Variants in EPHA7 observed in about 807,000 individuals in gnomAD.
EPHA7 encodes the protein EPH receptor A7, also known as ephrin type-A receptor 7.
Under a neutral mutation model 112.6 loss-of-function variants are expected in EPHA7, and 25 were observed. The observed-to-expected ratio is 0.22, with a 90% confidence interval of 0.16 to 0.31. The LOEUF is 0.31. Ranked by LOEUF, EPHA7 falls within the 10% of genes least tolerant of loss-of-function variation. The pLI, the probability that EPHA7 is intolerant of heterozygous loss-of-function variation, is 1.00. For missense variants in EPHA7, 962 were observed against 1,212.6 expected (o/e 0.79, Z 3.07); for synonymous variants, 437 against 406.5 (o/e 1.07, Z -0.90).
At chr6:93,296,432 AAAATATATAAATATATATAT>A (rs1772667485) in intron 5 of EPHA7, among the ~76,000 whole-genome samples, 1 of 127,370 alleles carries the variant, frequency 7.9e-6, no homozygotes, top group Non-Finnish European at 1.7e-5. Flanking sequence ...ATATATATAT[AAAATATATAAATATATATAT>A]AAATATATAT....
intron 5 of EPHA7, among the ~76,000 whole-genome samples, chr6:93,336,919 G>A (rs890485937): frequency 6.6e-6 from 1 of 150,742 alleles, no homozygotes; most frequent in African/African-American, 2.4e-5. Context: ...AAACAAAGAA[G>A]CTTTTATCAG....
intron 5 of EPHA7, among the ~76,000 whole-genome samples, chr6:93,288,482 C>A (rs1772187531): frequency 6.6e-6 from 1 of 152,160 alleles, no homozygotes; most frequent in Admixed American, 6.5e-5. Context: ...TGTGGTGATG[C>A]TTGCACAGCT....
Position 93,356,888 on chromosome 6 carries a change from T to G in EPHA7, c.1153A>C (p.Asn385His), listed in dbSNP as rs757264200. The G allele has an allele frequency of 6.2e-7, 1 of 1,614,168 alleles. No individual in the cohort carries two copies. Among genetic ancestry groups the G allele is most frequent in the Admixed American group, 1.7e-5 (1 of 60,010 alleles). The change falls in exon 5 of 17, where the codon AAC becomes CAC. Residue 385 changes from asparagine (N) to histidine (H), a missense_variant. This residue lies in a region of EPHA7 where 746 missense variants were observed against 889.2 expected (regional missense o/e 0.84). Transcript: ENST00000369303. ...EQGECVPCGS[N>H]IGYMPQQTGL... ...GTCTGCTGGGGCATGTATCCAATGT[T>G]ACTCCCACAGGGAACACATTCGCCC...
At chr6:93,335,151 G>T (rs542838751) in intron 5 of EPHA7, among the ~76,000 whole-genome samples, 1 of 152,134 alleles carries the variant, frequency 6.6e-6, no homozygotes, top group South Asian at 2.1e-4. Flanking sequence ...TTCCTAGAGG[G>T]TCAATTAAGT....
At chr6:93,322,865 T>C (rs1346716897) in intron 5 of EPHA7, among the ~76,000 whole-genome samples, 1 of 151,640 alleles carries the variant, frequency 6.6e-6, no homozygotes, top group African/African-American at 2.4e-5. Flanking sequence ...GTCCCCCATC[T>C]GTGCTTTACG....
chr6:93,296,321 A>G (rs1411756188), intron 5 of EPHA7, among the ~76,000 whole-genome samples: 1 of 150,994 alleles, frequency 6.6e-6, no homozygotes, highest in Non-Finnish European at 1.5e-5. Flanking sequence ...ACCACCTTCT[A>G]AAAATATTTG....
chr6:93,356,248 C>T (rs1775938966), intron 5 of EPHA7, among the ~76,000 whole-genome samples: 2 of 151,642 alleles, frequency 1.3e-5, no homozygotes, highest in African/African-American at 4.9e-5. Context: ...TAGTCTGTCA[C>T]CCATGCTGGA....
intron 5 of EPHA7, among the ~76,000 whole-genome samples, chr6:93,337,272 C>A (rs1013955365): frequency 3.3e-5 from 5 of 152,140 alleles, no homozygotes; most frequent in African/African-American, 1.2e-4. Flanking sequence ...TGACTGCACA[C>A]CATTTCCAAA....
rs1412417512 is a variant in EPHA7, at chr6:93,405,799, GTGTGTGTGTGTGTGTATATATATA to G, written c.832+4678_832+4701del. Among the ~76,000 whole-genome samples the G allele has an allele frequency of 8.7e-5, 6 of 68,878 alleles. No homozygotes were observed. In the East Asian group the frequency reaches 2.1e-3, roughly 24 times the overall value. The allele number at this position is 68,878 out of a possible 152,430, so 45.2% of individuals were successfully genotyped here. On this transcript the variant is annotated intron_variant, in intron 3 of 16. Transcript: ENST00000369303. ...TCTGTATATATGTGTGTGTGTGTGT[GTGTGTGTGTGTGTGTATATATATA>G]TATATATATATATATATATATATAT...
intron 5 of EPHA7, among the ~76,000 whole-genome samples, chr6:93,336,988 A>G (rs1774911556): frequency 1.3e-5 from 2 of 152,104 alleles, no homozygotes; most frequent in African/African-American, 2.4e-5. Flanking sequence ...AGTTAGAAAA[A>G]AGACATAAAA....
chr6:93,265,726 C>A (rs1283277964), intron 7 of EPHA7, among the ~76,000 whole-genome samples: 2 of 151,592 alleles, frequency 1.3e-5, no homozygotes, highest in African/African-American at 2.4e-5. Flanking sequence ...AATTTGCTAT[C>A]TCTGAAACAA....
chr6:93,244,738 A>C (rs1027170668), intron 16 of EPHA7, among the ~76,000 whole-genome samples: 7 of 152,278 alleles, frequency 4.6e-5, no homozygotes, highest in Admixed American at 1.3e-4. Flanking sequence ...TCTTACTTTT[A>C]AGCTATGGTT....
chr6:93,413,226 T>C (rs1364195687), intron 2 of EPHA7, among the ~76,000 whole-genome samples: 1 of 151,982 alleles, frequency 6.6e-6, no homozygotes, highest in African/African-American at 2.4e-5. Flanking sequence ...TGCACAGATA[T>C]AGAAAATATT....
At chr6:93,297,310 T>C (rs1772722915) in intron 5 of EPHA7, among the ~76,000 whole-genome samples, 1 of 152,090 alleles carries the variant, frequency 6.6e-6, no homozygotes, top group Admixed American at 6.5e-5. Flanking sequence ...ACAACTACAG[T>C]GTAGACTCTA....
chr6:93,362,418 A>G (rs1344226418), intron 3 of EPHA7, among the ~76,000 whole-genome samples: 1 of 152,108 alleles, frequency 6.6e-6, no homozygotes, highest in Non-Finnish European at 1.5e-5. Flanking sequence ...TGATTTAAAT[A>G]ATATTTTTAA....
chr6:93,269,989 T>A (rs909877594), intron 6 of EPHA7, among the ~76,000 whole-genome samples: 7 of 151,866 alleles, frequency 4.6e-5, no homozygotes, highest in South Asian at 2.1e-4. Flanking sequence ...ACCTGTACAA[T>A]CTACAGTTTA....
intron 5 of EPHA7, among the ~76,000 whole-genome samples, chr6:93,351,365 T>C: frequency 6.6e-6 from 1 of 151,924 alleles, no homozygotes; most frequent in Non-Finnish European, 1.5e-5. Context: ...ATCCCAAACA[T>C]TCTTCCTAAT....
rs776388575 is a variant in EPHA7 at position 93,245,337 on chromosome 6, C to T, written c.2843G>A (p.Gly948Asp). 28 of 1,613,240 alleles carry T rather than the reference C, an allele frequency of 1.7e-5. No homozygotes were observed. Among genetic ancestry groups the T allele is most frequent in the Non-Finnish European group, 5.1e-6 (6 of 1,179,856 alleles). ...GGCTACTGATTCAAGGGAATTGTAG[C>T]CAGCTGCCGTGAAATTATCTTTATA... ...ERYKDNFTAA[G>D]YNSLESVARM... The change falls in exon 16 of 17, where the codon GGC becomes GAC. Residue 948 changes from glycine (G) to aspartate (D), a missense_variant. By Grantham distance (94) the Gly-to-Asp change is moderately conservative. Coordinates refer to ENST00000369303, the MANE Select transcript of EPHA7 (RefSeq NM_004440.4).
intron 14 of EPHA7, among the ~76,000 whole-genome samples, chr6:93,249,152 A>G (rs477356): frequency 0.65 from 98,066 of 151,762 alleles, 32,730 homozygotes; most frequent in South Asian, 0.83. Context: ...TTATGATCCC[A>G]TAATTACAAA....
Sources: allele counts gnomAD v4.1 joint callset (sites outside exome capture counted in the v4.1 genomes callset), GRCh38; gene constraint gnomAD v4.1.1; regional missense constraint gnomAD v4.1.1; transcripts MANE v1.5; gene names NCBI Gene and HGNC (gene_info 2026-07-23, HGNC 2026-07-21).